SOX5: variants seen among roughly 807,000 people sequenced by gnomAD.
The protein encoded by SOX5 is SRY-box transcription factor 5.
In SOX5, 9 loss-of-function variants were observed where a neutral mutation model predicts 92.0. That is an observed-to-expected ratio of 0.10 (90% CI 0.06 to 0.17). The LOEUF is 0.17. Among genes scored for constraint, SOX5 ranks in the 10% least tolerant of loss-of-function variants. The probability of loss-of-function intolerance (pLI) is 1.00; values close to 1 mark genes in which losing one functional copy is unlikely to be tolerated. For missense variants in SOX5, 642 were observed against 944.5 expected (o/e 0.68, Z 4.20); for synonymous variants, 344 against 336.3 (o/e 1.02, Z -0.25).
intron 3 of SOX5, among the ~76,000 whole-genome samples, chr12:23,792,660 A>C (rs958922789): frequency 5.4e-5 from 7 of 129,132 alleles, no homozygotes; most frequent in South Asian, 5.2e-4. Flanking sequence ...AAAAAAAAAA[A>C]AACTTGGACA....
At chr12:23,622,824 ACAGAATAAGTC>A (rs2077341898) in intron 8 of SOX5, among the ~76,000 whole-genome samples, 1 of 152,158 alleles carries the variant, frequency 6.6e-6, no homozygotes, top group Non-Finnish European at 1.5e-5. Flanking sequence ...TGTTAATGCC[ACAGAATAAGTC>A]AGAAAATCAG....
At chr12:24,042,657 A>G (rs1956635484) in intron 4 of SOX5, among the ~76,000 whole-genome samples, 1 of 152,150 alleles carries the variant, frequency 6.6e-6, no homozygotes, top group Admixed American at 6.5e-5. Context: ...GTTTAGCTGT[A>G]TGTGGCACAA....
intron 2 of SOX5, among the ~76,000 whole-genome samples, chr12:24,280,697 G>T (rs556398946): frequency 9.2e-5 from 14 of 152,184 alleles, no homozygotes; most frequent in African/African-American, 3.1e-4. Context: ...ATCACAAAAG[G>T]TGACTACTGC....
intron 4 of SOX5, among the ~76,000 whole-genome samples, chr12:24,056,012 T>C (rs1958059899): frequency 2.0e-5 from 3 of 152,214 alleles, no homozygotes; most frequent in Admixed American, 6.5e-5. Flanking sequence ...TCTCAATCTT[T>C]AACCATGTCT....
chr12:23,877,161 C>T (rs1595293352), intron 2 of SOX5, among the ~76,000 whole-genome samples: 4 of 152,164 alleles, frequency 2.6e-5, no homozygotes, highest in Admixed American at 2.6e-4. Context: ...AAAACTTTCT[C>T]TAATTTTATT....
intron 4 of SOX5, among the ~76,000 whole-genome samples, chr12:23,971,326 G>A (rs1427795343): frequency 1.3e-5 from 2 of 151,266 alleles, no homozygotes; most frequent in African/African-American, 4.9e-5. Flanking sequence ...ATTTTACCGT[G>A]TTAGCCAGGA....
chr12:24,146,829 TA>T (rs1951139649), intron 4 of SOX5, among the ~76,000 whole-genome samples: 1 of 151,794 alleles, frequency 6.6e-6, no homozygotes, highest in South Asian at 2.1e-4. Flanking sequence ...GTTAAAATTT[TA>T]ATAAGATAAT....
intron 1 of SOX5, among the ~76,000 whole-genome samples, chr12:23,922,678 T>C (rs1192825085): frequency 6.6e-6 from 1 of 152,236 alleles, no homozygotes; most frequent in Admixed American, 6.5e-5. Flanking sequence ...ATATATCCTA[T>C]GTTAAAAATA....
intron 3 of SOX5, among the ~76,000 whole-genome samples, chr12:23,843,139 T>C (rs1231030011): frequency 6.6e-6 from 1 of 152,028 alleles, no homozygotes; most frequent in Non-Finnish European, 1.5e-5. Context: ...CTGCAATATA[T>C]CTGAACAGCA....
intron 1 of SOX5, among the ~76,000 whole-genome samples, chr12:24,497,993 ATGAT>A (rs1947818915): frequency 6.6e-6 from 1 of 152,170 alleles, no homozygotes; most frequent in South Asian, 2.1e-4. Context: ...TGGGGGCTGA[ATGAT>A]GAGAACACAA....
At chr12:24,326,791 TAC>T (rs10527019) in intron 2 of SOX5, among the ~76,000 whole-genome samples, 2 of 148,726 alleles carry the variant, frequency 1.3e-5, no homozygotes, top group African/African-American at 2.5e-5. Context: ...TACACACACA[TAC>T]ACACACACAC....
rs952714729 is a variant in SOX5, at chr12:23,922,205, G to T, written c.39-26181C>A. 3.3e-5 allele frequency among the ~76,000 whole-genome samples: 5 copies of T among 152,196 alleles called. No individual in the cohort carries two copies. The East Asian group carries it at 9.7e-4, about 29-fold the overall frequency. ...CTCCTTCTGAATCCCACCCAATGTGGTGGTTGCCAATACAGCTTCCTGTTC... is the reference window on the plus strand; with the variant it reads ...CTCCTTCTGAATCCCACCCAATGTGTTGGTTGCCAATACAGCTTCCTGTTC... On this transcript the variant is annotated intron_variant, in intron 1 of 14. Coordinates refer to ENST00000451604, the MANE Select transcript of SOX5 (RefSeq NM_006940.6).
chr12:24,130,788 C>G (rs1949571091), intron 4 of SOX5, among the ~76,000 whole-genome samples: 1 of 152,184 alleles, frequency 6.6e-6, no homozygotes, highest in Non-Finnish European at 1.5e-5. Flanking sequence ...TCTATGCATT[C>G]TACACAAGCA....
intron 1 of SOX5, among the ~76,000 whole-genome samples, chr12:24,392,691 C>T (rs775412733): frequency 6.6e-6 from 1 of 152,142 alleles, no homozygotes; most frequent in East Asian, 1.9e-4. Context: ...CCCCTAGAAC[C>T]CAAACGCTTT....
intron 3 of SOX5, among the ~76,000 whole-genome samples, chr12:23,832,522 T>C (rs541625311): frequency 1.9e-4 from 29 of 152,154 alleles, no homozygotes; most frequent in African/African-American, 6.5e-4. Context: ...TACATAATGT[T>C]TCTGGTATAT....
chr12:24,301,132 G>A (rs1026101538), intron 2 of SOX5, among the ~76,000 whole-genome samples: 1 of 152,192 alleles, frequency 6.6e-6, no homozygotes, highest in Non-Finnish European at 1.5e-5. Context: ...CAGCCCGCAA[G>A]CTCTGCTTCC....
At chr12:23,993,912 T>TATGTATGTATGTATGC (rs1211775257) in intron 4 of SOX5, among the ~76,000 whole-genome samples, 3 of 148,338 alleles carry the variant, frequency 2.0e-5, no homozygotes, top group Admixed American at 6.7e-5. Flanking sequence ...TGTATGTATG[T>TATGTATGTATGTATGC]ATGCATGTAT....
chr12:23,604,307 C>T, intron 9 of SOX5, 80 bp downstream of exon 9: 2 of 1,479,838 alleles, frequency 1.4e-6, no homozygotes, highest in Non-Finnish European at 1.9e-6. Flanking sequence ...TAGCTGCTGG[C>T]ATACAATAGA....
At chr12:24,143,363 G>GA in intron 4 of SOX5, among the ~76,000 whole-genome samples, 1 of 151,908 alleles carries the variant, frequency 6.6e-6, no homozygotes, top group Non-Finnish European at 1.5e-5. Flanking sequence ...ACAATTAGAA[G>GA]AAAAATTAAT....
Sources: allele counts gnomAD v4.1 joint callset (sites outside exome capture counted in the v4.1 genomes callset), GRCh38; gene constraint gnomAD v4.1.1; transcripts MANE v1.5; gene names NCBI Gene and HGNC (gene_info 2026-07-23, HGNC 2026-07-21).